KDM5B: variants seen among roughly 807,000 people sequenced by gnomAD.
KDM5B encodes lysine-specific demethylase 5B.
In KDM5B, 144 loss-of-function variants were observed where a neutral mutation model predicts 193.4. The ratio of observed to expected loss-of-function variants is 0.74; its 90% CI spans 0.65 to 0.86. The LOEUF is 0.86. Ranked by LOEUF, KDM5B falls within the 40% of genes least tolerant of loss-of-function variation. The pLI, the probability that KDM5B is intolerant of heterozygous loss-of-function variation, is 0.00. For missense variants in KDM5B, 1,833 were observed against 1,886.9 expected (o/e 0.97, Z 0.53); for synonymous variants, 668 against 682.6 (o/e 0.98, Z 0.33).
intron 11 of KDM5B, among the ~76,000 whole-genome samples, chr1:202,754,106 C>T (rs1655913230): frequency 6.6e-6 from 1 of 152,222 alleles, no homozygotes; most frequent in Non-Finnish European, 1.5e-5. Flanking sequence ...GAAGTTAAAT[C>T]AAACACTAGT....
At chr1:202,749,459 AT>A (rs1655705131) in intron 13 of KDM5B, among the ~76,000 whole-genome samples, 1 of 152,126 alleles carries the variant, frequency 6.6e-6, no homozygotes, top group Non-Finnish European at 1.5e-5. Flanking sequence ...CTGGAGGCTG[AT>A]GTGGAAGGAT....
At chr1:202,756,147 G>C (rs1430715414) in intron 10 of KDM5B, among the ~76,000 whole-genome samples, 1 of 152,136 alleles carries the variant, frequency 6.6e-6, no homozygotes, top group Non-Finnish European at 1.5e-5. Context: ...TATAAAATCT[G>C]AAGGCAAAGG....
chr1:202,789,327 C>G (rs1444719643), intron 1 of KDM5B, among the ~76,000 whole-genome samples: 3 of 151,918 alleles, frequency 2.0e-5, no homozygotes, highest in Admixed American at 2.0e-4. Context: ...TCGAGACCAG[C>G]CTGACCAACA....
At chr1:202,740,416 C>G (rs1361553827) in intron 20 of KDM5B, among the ~76,000 whole-genome samples, 4 of 125,380 alleles carry the variant, frequency 3.2e-5, no homozygotes, top group African/African-American at 1.1e-4. Flanking sequence ...GTCTGACCCC[C>G]CCACCTCCCT....
chr1:202,793,281 C>A (rs1333529211), intron 1 of KDM5B, among the ~76,000 whole-genome samples: 42 of 152,112 alleles, frequency 2.8e-4, no homozygotes, highest in Admixed American at 2.8e-3. Flanking sequence ...GCTGAACCTA[C>A]CAGGATACAA....
At chr1:202,802,253 A>C (rs973780572) in intron 1 of KDM5B, among the ~76,000 whole-genome samples, 1 of 152,206 alleles carries the variant, frequency 6.6e-6, no homozygotes. Context: ...CCTTTTCTAC[A>C]GCCAACCTTA....
chr1:202,796,681 T>C (rs1431682821), intron 1 of KDM5B: 3 of 169,506 alleles, frequency 1.8e-5, no homozygotes, highest in Non-Finnish European at 3.9e-5. Flanking sequence ...CCACTCTCCT[T>C]AGAAATGTGC....
At chr1:202,746,686 T>C (rs1655574772) in intron 14 of KDM5B, 1 of 164,918 alleles carries the variant, frequency 6.1e-6, no homozygotes, top group Admixed American at 6.4e-5. Context: ...AAGAAAGGAA[T>C]ATGTTTCCTA....
At chr1:202,801,645 T>TAAAATTA (rs1658080244) in intron 1 of KDM5B, among the ~76,000 whole-genome samples, 3 of 31,264 alleles carry the variant, frequency 9.6e-5, no homozygotes, top group South Asian at 2.0e-3. Flanking sequence ...AATTTTCATT[T>TAAAATTA]AATTTTCATA....
intron 1 of KDM5B, among the ~76,000 whole-genome samples, chr1:202,785,952 T>C (rs977046195): frequency 6.6e-5 from 10 of 151,942 alleles, no homozygotes; most frequent in Admixed American, 1.3e-4. Context: ...AGGAAAATAT[T>C]CATGTTGCAA....
At position 202,728,670 on chromosome 1, in the gene KDM5B, G is replaced by T. The variant is rs1253202977; in HGVS notation, c.*366C>A. Reference sequence around the variant, plus strand: ...GTGGGTGCCCTTTTGGGCACTGGAAGTGAGTTGGACTCTTAAGCTGGTAAA... The same window carrying T: ...GTGGGTGCCCTTTTGGGCACTGGAATTGAGTTGGACTCTTAAGCTGGTAAA... On this transcript the variant is annotated 3_prime_UTR_variant, in exon 27 of 27. Transcript: ENST00000367265. The T allele has an allele frequency of 6.1e-6, 1 of 163,320 alleles. No homozygotes were observed. Among genetic ancestry groups the T allele is most frequent in the African/African-American group, 2.4e-5 (1 of 41,732 alleles). The allele number at this position is 163,320 out of a possible 1,614,324, so 10.1% of individuals were successfully genotyped here. A position where few individuals can be genotyped will look rare whatever the true frequency, so the allele number is the denominator to read the frequency against.
In KDM5B at chr1:202,808,274, G is replaced by C. The variant is rs577952504; in HGVS notation, c.32C>G (p.Pro11Arg). The C allele has an allele frequency of 3.1e-6, 5 of 1,607,408 alleles. No individual in the cohort carries two copies. Among genetic ancestry groups the C allele is most frequent in the African/African-American group, 1.3e-5 (1 of 74,748 alleles). The change falls in exon 1 of 27, where the codon CCG (proline) becomes CGG (arginine). Residue 11 changes from proline to arginine, a missense_variant. Transcript: ENST00000367265. Reference protein sequence around the residue: MEAATTLHPGPRPALPLGGPG... With the variant: MEAATTLHPGRRPALPLGGPG... ...GCCCCCGAGGGGCAGCGCCGGGCGC[G>C]GGCCTGGGTGCAGTGTGGTGGCCGC...
At chr1:202,777,838 A>G (rs1204597849) in intron 1 of KDM5B, among the ~76,000 whole-genome samples, 2 of 152,074 alleles carry the variant, frequency 1.3e-5, no homozygotes, top group African/African-American at 2.4e-5. Context: ...TAAATTCTAC[A>G]GTGGTGTCAG....
At chr1:202,778,464 A>G (rs1019976121) in intron 1 of KDM5B, among the ~76,000 whole-genome samples, 18 of 152,216 alleles carry the variant, frequency 1.2e-4, no homozygotes, top group Admixed American at 2.6e-4. Context: ...ATGGCTGTAC[A>G]GCAATGTAAA....
chr1:202,760,654 C>G, intron 7 of KDM5B, 81 bp from the exon 8 acceptor site: 1 of 1,017,108 alleles, frequency 9.8e-7, no homozygotes, highest in African/African-American at 1.7e-5. Flanking sequence ...TGAAATGGAT[C>G]TGAGACATAA....
intron 16 of KDM5B, 132 bp from the exon 17 acceptor site, chr1:202,742,937 A>G: frequency 2.7e-6 from 2 of 744,084 alleles, no homozygotes; most frequent in Non-Finnish European, 4.2e-6. Context: ...AATGCTTTAA[A>G]TTATTAACAA....
At chr1:202,796,397 C>T in intron 1 of KDM5B, 1 of 245,424 alleles carries the variant, frequency 4.1e-6, no homozygotes, top group Non-Finnish European at 8.4e-6. Context: ...AGTGGCCTCC[C>T]AGCCACCCTG....
At chr1:202,777,735 A>G (rs189534678) in intron 1 of KDM5B, among the ~76,000 whole-genome samples, 3 of 152,110 alleles carry the variant, frequency 2.0e-5, no homozygotes, top group Admixed American at 2.0e-4. Flanking sequence ...TACAGCTCCA[A>G]TGATCCTCCC....
chr1:202,769,440 C>CCA (rs1656617983), intron 4 of KDM5B, among the ~76,000 whole-genome samples: 1 of 151,220 alleles, frequency 6.6e-6, no homozygotes, highest in Non-Finnish European at 1.5e-5. Context: ...GAGGCCAAGG[C>CCA]AGGTAGATCA....
Sources: gnomAD v4.1 joint callset for allele counts (sites outside exome capture counted in the v4.1 genomes callset) on GRCh38, gnomAD v4.1.1 for gene constraint, MANE v1.5 for transcripts, NCBI Gene and HGNC (gene_info 2026-07-23, HGNC 2026-07-21) for gene names.